Variants in FBXO31 observed in about 807,000 individuals in gnomAD.
FBXO31 encodes F-box protein 31, also known as F-box only protein 31.
FBXO31 carries 24 observed loss-of-function variants against 54.4 expected under a neutral mutation model. The observed-to-expected ratio is 0.44, with a 90% CI of 0.32 to 0.62. The LOEUF is 0.62. FBXO31 is among the 20% of genes least tolerant of loss of function. The pLI, the probability that FBXO31 is intolerant of heterozygous loss-of-function variation, is 0.05. For missense variants in FBXO31, 665 were observed against 787.1 expected (o/e 0.84, Z 1.86); for synonymous variants, 388 against 335.6 (o/e 1.16, Z -1.71).
At position 87,331,152 on chromosome 16, in the gene FBXO31, G is replaced by A. The variant is rs1438806363; in HGVS notation, c.*136C>T. 2 of 732,260 alleles carry A rather than the reference G, an allele frequency of 2.7e-6. No individual in the cohort carries two copies. The highest frequency in any genetic ancestry group is 4.6e-6 in the Non-Finnish European group (2 of 435,702). 45.4% of individuals were successfully genotyped at this position (732,260 alleles called of 1,614,324 possible). A position where few individuals can be genotyped will look rare whatever the true frequency, so the allele number is the denominator to read the frequency against. On this transcript the variant is annotated 3_prime_UTR_variant, in exon 9 of 9. Coordinates refer to ENST00000311635, the MANE Select transcript of FBXO31 (RefSeq NM_024735.5). ...CTCTCTACATAAAGTGCTGGGGGGT[G>A]GCTGGACTGGGCCCCCCGACGAGGT...
intron 1 of FBXO31, among the ~76,000 whole-genome samples, chr16:87,388,927 G>A (rs924861409): frequency 2.0e-5 from 3 of 152,078 alleles, no homozygotes; most frequent in Non-Finnish European, 4.4e-5. Context: ...GAACATTAAC[G>A]TTTATATTAC....
intron 1 of FBXO31, among the ~76,000 whole-genome samples, chr16:87,376,636 C>G (rs1225283719): frequency 1.3e-5 from 2 of 152,196 alleles, no homozygotes; most frequent in African/African-American, 4.8e-5. Context: ...ACACAGAAAG[C>G]AGACAAGTTG....
intron 2 of FBXO31, among the ~76,000 whole-genome samples, chr16:87,350,227 G>T (rs1038552101): frequency 6.6e-6 from 1 of 152,120 alleles, no homozygotes; most frequent in African/African-American, 2.4e-5. Context: ...AAGAAAGCCA[G>T]GACGGCAGCA....
chr16:87,341,809 C>T (rs1023554118), intron 5 of FBXO31, among the ~76,000 whole-genome samples: 1 of 152,158 alleles, frequency 6.6e-6, no homozygotes, highest in Non-Finnish European at 1.5e-5. Context: ...AAAACAGGAA[C>T]GTCACTTACT....
At chr16:87,383,903 T>G, upstream of FBXO31, 3 of 422,572 alleles carry the variant, frequency 7.1e-6, no homozygotes, top group Non-Finnish European at 6.8e-6. This position sits in a 1 kb window ranked among gnomAD's most constrained non-coding sequence, Gnocchi z 4.9. Context: ...CGCCACCCCC[T>G]CCCCGCGGGG....
At chr16:87,387,362 T>C (rs983629998), upstream of FBXO31, among the ~76,000 whole-genome samples, 1 of 152,078 alleles carries the variant, frequency 6.6e-6, no homozygotes. Context: ...ATAGAAGAGA[T>C]CATTTGTTTT....
At chr16:87,333,286 G>A (rs906098247) in intron 8 of FBXO31, among the ~76,000 whole-genome samples, 5 of 152,240 alleles carry the variant, frequency 3.3e-5, no homozygotes, top group Admixed American at 2.0e-4. Context: ...CCCCTCCCAC[G>A]CAGTCGCAGC....
intron 1 of FBXO31, among the ~76,000 whole-genome samples, chr16:87,377,463 A>G (rs190938204): frequency 6.6e-6 from 1 of 152,292 alleles, no homozygotes; most frequent in Non-Finnish European, 1.5e-5. Flanking sequence ...AAAGTTGGAA[A>G]TTTTGCCAAA....
At chr16:87,371,929 T>A (rs1487456248) in intron 1 of FBXO31, among the ~76,000 whole-genome samples, 1 of 152,034 alleles carries the variant, frequency 6.6e-6, no homozygotes, top group African/African-American at 2.4e-5. Context: ...AAAATAGTCT[T>A]AAAAAATGTT....
At chr16:87,383,909 CG>C, upstream of FBXO31, 1 of 402,946 alleles carries the variant, frequency 2.5e-6, no homozygotes, top group Non-Finnish European at 3.7e-6. The surrounding 1 kb of genome is among the most constrained non-coding windows in gnomAD (Gnocchi z 4.9). Context: ...CCCCTCCCCG[CG>C]GGGCGGCGAC....
chr16:87,342,836 G>C, intron 5 of FBXO31, 41 bp downstream of exon 5: 1 of 1,549,220 alleles, frequency 6.5e-7, no homozygotes, highest in Non-Finnish European at 8.8e-7. Flanking sequence ...GGAAAGGAAA[G>C]GTCCGCACCA....
chr16:87,351,676 C>G (rs1360750676), intron 2 of FBXO31, among the ~76,000 whole-genome samples: 1 of 152,144 alleles, frequency 6.6e-6, no homozygotes, highest in Non-Finnish European at 1.5e-5. Flanking sequence ...TAAGACCAGC[C>G]TGGCCAACAT....
At chr16:87,361,791 G>A (rs1280473537) in intron 1 of FBXO31, among the ~76,000 whole-genome samples, 4 of 152,256 alleles carry the variant, frequency 2.6e-5, no homozygotes, top group Admixed American at 6.5e-5. Flanking sequence ...GGAGACAGCA[G>A]TCAAGGCGAG....
intron 1 of FBXO31, among the ~76,000 whole-genome samples, chr16:87,374,032 G>A (rs1308098122): frequency 6.6e-6 from 1 of 152,070 alleles, no homozygotes; most frequent in Non-Finnish European, 1.5e-5. Context: ...TTGAGGCCAG[G>A]ACTTCCAGAC....
rs570754267 is a variant in FBXO31 at position 87,336,234 on chromosome 16, C to T, written c.763G>A (p.Gly255Arg). The T allele has an allele frequency of 1.2e-6, 2 of 1,614,198 alleles. No homozygotes were observed. The highest frequency in any genetic ancestry group is 1.7e-5 in the Admixed American group (1 of 60,030). The change falls in exon 6 of 9, where the codon GGG becomes AGG. Residue 255 changes from glycine to arginine, a missense_variant. Physicochemically the swap from Gly to Arg is moderately radical, Grantham distance 125 (BLOSUM62 -2). Around this residue, in one of 4 missense-constraint regions of FBXO31, gnomAD observed 234 missense variants for 346.8 expected, o/e 0.67. Transcript: ENST00000311635. The surrounding 1 kb of genome is among the most constrained non-coding windows in gnomAD (Gnocchi z 6.5). ...EFRTWLREEW[G>R]RTLEDIFHEH... ...TGGAAGATGTCCTCCAGCGTGCGCC[C>T]CCATTCCTCCCTCAGCCACGTCCGA...
chr16:87,382,359 T>C (rs975302366), intron 1 of FBXO31, among the ~76,000 whole-genome samples: 10 of 152,192 alleles, frequency 6.6e-5, no homozygotes, highest in Non-Finnish European at 1.2e-4. Context: ...CTGATGGTAT[T>C]TACTTTGTTC....
At chr16:87,391,369 G>C (rs543058021), upstream of FBXO31, among the ~76,000 whole-genome samples, 2 of 152,316 alleles carry the variant, frequency 1.3e-5, no homozygotes, top group East Asian at 3.9e-4. Context: ...GGCTGAGGTG[G>C]GCAATAGCAA....
chr16:87,376,861 G>T (rs185603014), intron 1 of FBXO31, among the ~76,000 whole-genome samples: 149 of 152,308 alleles, frequency 9.8e-4, no homozygotes, highest in African/African-American at 3.4e-3. Flanking sequence ...CCACCATAAC[G>T]AAATGTTAGG....
chr16:87,337,716 GAGA>G (rs746433435), intron 5 of FBXO31, among the ~76,000 whole-genome samples: 15 of 152,000 alleles, frequency 9.9e-5, no homozygotes, highest in Non-Finnish European at 1.3e-4. Context: ...TTTTCATATG[GAGA>G]AGAAGGAACC....
Sources: allele counts gnomAD v4.1 joint callset (sites outside exome capture counted in the v4.1 genomes callset), GRCh38; gene constraint gnomAD v4.1.1; regional missense constraint gnomAD v4.1.1; non-coding constraint Gnocchi (gnomAD v3.1); transcripts MANE v1.5; gene names NCBI Gene and HGNC (gene_info 2026-07-23, HGNC 2026-07-21).